The following GPC3 variants were observed in gnomAD, a reference collection of about 807,000 sequenced individuals.
GPC3 encodes glypican-3.
GPC3 carries 3 observed loss-of-function variants against 34.4 expected under a neutral mutation model. That is an observed-to-expected ratio of 0.09 (90% CI 0.04 to 0.23). The LOEUF (loss-of-function observed/expected upper bound fraction) is 0.23. Among genes scored for constraint, GPC3 ranks in the 10% least tolerant of loss-of-function variants. The probability of loss-of-function intolerance (pLI) is 1.00; values close to 1 mark genes in which losing one functional copy is unlikely to be tolerated. For synonymous variants in GPC3, 177 were observed against 174.0 expected (o/e 1.02, Z -0.13); for missense variants, 351 against 445.6 (o/e 0.79, Z 1.91).
intron 5 of GPC3, among the ~76,000 whole-genome samples, chrX:133,686,914 T>TTTTG (rs779216905): frequency 1.8e-3 from 193 of 106,972 alleles, no homozygotes; most frequent in African/African-American, 6.0e-3. Flanking sequence ...GATTTTCTTT[T>TTTTG]TTTGTTTGTT....
intron 5 of GPC3, among the ~76,000 whole-genome samples, chrX:133,669,698 C>T (rs1201172396): frequency 8.9e-6 from 1 of 112,372 alleles, no homozygotes; most frequent in Non-Finnish European, 1.9e-5. Context: ...TGCTTCTCTA[C>T]TGAGGCTTTG....
At chrX:133,861,890 C>T (rs1420861444) in intron 2 of GPC3, among the ~76,000 whole-genome samples, 3 of 111,781 alleles carry the variant, frequency 2.7e-5, no homozygotes, top group East Asian at 5.6e-4. Flanking sequence ...TGTAGAAATA[C>T]GAGCCAAACA....
intron 2 of GPC3, among the ~76,000 whole-genome samples, chrX:133,810,392 C>G (rs2075658091): frequency 9.0e-6 from 1 of 111,709 alleles, no homozygotes; most frequent in Non-Finnish European, 1.9e-5. Flanking sequence ...GGGGAAAGAC[C>G]AAAAATGAGT....
chrX:133,774,557 T>A (rs184101948), intron 2 of GPC3, among the ~76,000 whole-genome samples: 2 of 111,184 alleles, frequency 1.8e-5, no homozygotes, highest in African/African-American at 6.5e-5. Context: ...AATTATGGCA[T>A]CATGTTAAAA....
In GPC3 at chrX:133,985,172, C is replaced by A. The variant is rs1036558070; in HGVS notation, c.175+103G>T. The A allele has an allele frequency of 6.6e-6, 6 of 910,186 alleles. No individual in the cohort carries two copies. The South Asian group carries it at 1.3e-4, about 20-fold the overall frequency. 75.0% of individuals were successfully genotyped at this position (910,186 alleles called of 1,213,427 possible). Reference sequence around the variant, plus strand: ...CACTCCCAAGTGCCCAGCTGCAGGGCGCACGACTACAGCCCGGCGGGGCTA... The same window carrying A: ...CACTCCCAAGTGCCCAGCTGCAGGGAGCACGACTACAGCCCGGCGGGGCTA... On this transcript the variant is annotated intron_variant, in intron 1 of 7. Transcript: ENST00000370818.
At chrX:133,959,728 T>C (rs180721478) in intron 1 of GPC3, among the ~76,000 whole-genome samples, 1 of 112,623 alleles carries the variant, frequency 8.9e-6, no homozygotes, top group East Asian at 2.8e-4. Context: ...TCAATATGCA[T>C]TAATTAAAAG....
intron 2 of GPC3, among the ~76,000 whole-genome samples, chrX:133,767,965 G>A (rs762032725): frequency 4.6e-5 from 5 of 109,474 alleles, no homozygotes; most frequent in Admixed American, 9.8e-5. Context: ...GTGGCGGGGT[G>A]GGGGGGTAAA....
intron 2 of GPC3, among the ~76,000 whole-genome samples, chrX:133,824,457 G>C (rs1700481274): frequency 9.0e-6 from 1 of 111,258 alleles, no homozygotes; most frequent in Non-Finnish European, 1.9e-5. Flanking sequence ...GAGACGAAGG[G>C]GGAGAGGTTA....
intron 2 of GPC3, among the ~76,000 whole-genome samples, chrX:133,875,361 T>A (rs147901829): frequency 3.3e-4 from 37 of 111,897 alleles, no homozygotes; most frequent in Non-Finnish European, 6.6e-4. Flanking sequence ...TTGGACACAT[T>A]TTTAAATTTA....
At chrX:133,845,209 G>A (rs2075842542) in intron 2 of GPC3, among the ~76,000 whole-genome samples, 1 of 111,833 alleles carries the variant, frequency 8.9e-6, no homozygotes, top group East Asian at 2.8e-4. Context: ...TGGCCTGAAA[G>A]GAGCTGAAAA....
intron 2 of GPC3, among the ~76,000 whole-genome samples, chrX:133,796,472 T>C (rs1266883399): frequency 3.6e-5 from 4 of 112,043 alleles, no homozygotes; most frequent in Non-Finnish European, 7.5e-5. Context: ...ACAAATGGCT[T>C]TCAGTTAAAG....
At chrX:133,813,799 T>C (rs1198265166) in intron 2 of GPC3, among the ~76,000 whole-genome samples, 1 of 111,966 alleles carries the variant, frequency 8.9e-6, no homozygotes, top group African/African-American at 3.2e-5. Flanking sequence ...CTCTGCTCAC[T>C]AGAATATCCT....
intron 5 of GPC3, chrX:133,671,524 A>T (rs1173644752): frequency 7.7e-6 from 3 of 387,906 alleles, no homozygotes; most frequent in Non-Finnish European, 1.3e-5. Flanking sequence ...TTAAGCTACG[A>T]GGGTGCTAGA....
chrX:133,630,365 C>T (rs189482555), intron 6 of GPC3, among the ~76,000 whole-genome samples: 1 of 111,910 alleles, frequency 8.9e-6, no homozygotes, highest in Admixed American at 9.5e-5. Flanking sequence ...AACTCAACTA[C>T]AGTACATTTA....
intron 2 of GPC3, among the ~76,000 whole-genome samples, chrX:133,795,472 G>A (rs1033025677): frequency 4.5e-5 from 5 of 111,317 alleles, no homozygotes; most frequent in East Asian, 5.6e-4. Flanking sequence ...AAGGTGGGGC[G>A]AGACAAGAGA....
intron 2 of GPC3, among the ~76,000 whole-genome samples, chrX:133,913,647 A>G (rs777555660): frequency 2.7e-5 from 3 of 112,095 alleles, no homozygotes; most frequent in Non-Finnish European, 5.6e-5. Flanking sequence ...AGGGAAAAAC[A>G]CATTCCTCCT....
intron 2 of GPC3, among the ~76,000 whole-genome samples, chrX:133,776,455 A>G (rs1393706570): frequency 8.9e-6 from 1 of 111,758 alleles, no homozygotes; most frequent in African/African-American, 3.3e-5. Context: ...CTCACTTTCA[A>G]CTGGAGTGGC....
intron 1 of GPC3, among the ~76,000 whole-genome samples, chrX:133,974,038 T>TTTTTGTTTTG (rs369459584): frequency 1.8e-5 from 2 of 111,719 alleles, no homozygotes; most frequent in Admixed American, 1.9e-4. Flanking sequence ...TTCAGCGTTT[T>TTTTTGTTTTG]TTTTGTTTTG....
chrX:133,735,802 A>G (rs1056320464), intron 3 of GPC3, among the ~76,000 whole-genome samples: 6 of 108,949 alleles, frequency 5.5e-5, no homozygotes, highest in African/African-American at 3.4e-5. Context: ...ATCTCTACAA[A>G]AAATACAAAA....
Sources: allele counts gnomAD v4.1 joint callset (sites outside exome capture counted in the v4.1 genomes callset), GRCh38; gene constraint gnomAD v4.1.1; transcripts MANE v1.5; gene names NCBI Gene and HGNC (gene_info 2026-07-23, HGNC 2026-07-21).